COLEC11: variants seen among roughly 807,000 people sequenced by gnomAD.
COLEC11 encodes collectin subfamily member 11, also known as collectin-11.
A neutral mutation model predicts 27.3 loss-of-function variants in COLEC11; 20 were observed. The ratio of observed to expected loss-of-function variants is 0.73; its 90% confidence interval spans 0.51 to 1.06. The LOEUF is 1.06. Ranked by LOEUF, COLEC11 falls within the 50% of genes least tolerant of loss-of-function variation. The pLI, the probability that COLEC11 is intolerant of heterozygous loss-of-function variation, is 0.00. For missense variants in COLEC11, 310 were observed against 383.0 expected (o/e 0.81, Z 1.59); for synonymous variants, 163 against 154.7 (o/e 1.05, Z -0.40).
In COLEC11 at chr2:3,602,161, C is replaced by G. The variant is rs1402369336; in HGVS notation, c.-26-2154C>G. The G allele has an allele frequency of 1.3e-5, 2 of 152,248 alleles. No individual in the cohort carries two copies. The highest frequency in any genetic ancestry group is 4.8e-5 in the African/African-American group (2 of 41,450). The allele number at this position is 152,248 out of a possible 1,614,324, so 9.4% of individuals were successfully genotyped here. On this transcript the variant is annotated intron_variant, in intron 1 of 6. Transcript: ENST00000349077. The surrounding 1 kb of genome is among the most constrained non-coding windows in gnomAD (Gnocchi z 6.2). ...TGTTGATGTGGGAAGCCCCCCACCACAGATGGCCTTTCTCTAGCAGCTAAG... is the reference window on the plus strand; with the variant it reads ...TGTTGATGTGGGAAGCCCCCCACCAGAGATGGCCTTTCTCTAGCAGCTAAG...
chr2:3,626,203 C>A (rs1426122812), intron 3 of COLEC11: 1 of 940,406 alleles, frequency 1.1e-6, no homozygotes, highest in Non-Finnish European at 1.8e-6. Flanking sequence ...GGAGCAGAAG[C>A]CCCATTTCTA....
chr2:3,626,692 T>A (rs1001727640), intron 3 of COLEC11, among the ~76,000 whole-genome samples: 18 of 152,256 alleles, frequency 1.2e-4, no homozygotes, highest in Non-Finnish European at 2.6e-4. Flanking sequence ...CTGTAAGTGC[T>A]CTGTTCTGGA....
chr2:3,641,261 G>GA, intron 5 of COLEC11: 1 of 1,304,320 alleles, frequency 7.7e-7, no homozygotes, highest in Non-Finnish European at 1.0e-6. Context: ...CCGCAGAGAT[G>GA]AGGAGGAACG....
At chr2:3,597,444 G>C (rs928212449) in intron 1 of COLEC11, among the ~76,000 whole-genome samples, 2 of 152,126 alleles carry the variant, frequency 1.3e-5, no homozygotes, top group Admixed American at 1.3e-4. Context: ...GGGATCAGCA[G>C]ATGAGTGTGA....
chr2:3,595,839 G>A (rs1002846416), intron 1 of COLEC11, among the ~76,000 whole-genome samples: 2 of 152,222 alleles, frequency 1.3e-5, no homozygotes, highest in South Asian at 2.1e-4. Flanking sequence ...TGATGTGGTC[G>A]TTCTCAATTT....
intron 3 of COLEC11, among the ~76,000 whole-genome samples, chr2:3,631,290 A>G (rs1025453301): frequency 6.6e-6 from 1 of 152,248 alleles, no homozygotes; most frequent in Admixed American, 6.5e-5. Context: ...GAATTTTAAC[A>G]GTAAAGCAAA....
At chr2:3,603,659 G>C in intron 1 of COLEC11, 2 of 1,551,090 alleles carry the variant, frequency 1.3e-6, no homozygotes, top group Non-Finnish European at 8.7e-7. Flanking sequence ...AAGAAACAAA[G>C]AGGTCAGCAC....
intron 3 of COLEC11, among the ~76,000 whole-genome samples, chr2:3,621,124 T>C (rs1163745157): frequency 6.6e-6 from 1 of 152,234 alleles, no homozygotes; most frequent in Admixed American, 6.5e-5. Context: ...AGTGAGGTAT[T>C]GAAGTCCCCT....
intron 3 of COLEC11, among the ~76,000 whole-genome samples, chr2:3,631,700 G>C (rs1665014059): frequency 6.6e-6 from 1 of 151,396 alleles, no homozygotes; most frequent in Non-Finnish European, 1.5e-5. Context: ...GCTCGGAGGG[G>C]GCTCTGCTCG....
Position 3,613,346 on chromosome 2 carries a change from G to A in COLEC11, c.166G>A (p.Gly56Arg), listed in dbSNP as rs755020332. The A allele has an allele frequency of 1.2e-6, 2 of 1,609,368 alleles. No homozygotes were observed. The highest frequency in any genetic ancestry group is 1.3e-5 in the African/African-American group (1 of 75,008). The change falls in exon 3 of 7, where the codon GGA becomes AGA. Residue 56 changes from glycine to arginine, a missense_variant. Coordinates refer to ENST00000349077, the MANE Select transcript of COLEC11 (RefSeq NM_024027.5). Reference protein sequence around the residue: ...AGEKGDKGAPGRPGRVGPTGE... With the variant: ...AGEKGDKGAPRRPGRVGPTGE... ...AGAGAAGGGAGACAAAGGCGCCCCCGGACGGCCTGGAAGAGTCGGCCCCAC... is the reference window on the plus strand; with the variant it reads ...AGAGAAGGGAGACAAAGGCGCCCCCAGACGGCCTGGAAGAGTCGGCCCCAC...
At chr2:3,610,154 C>T (rs1477134226) in intron 2 of COLEC11, among the ~76,000 whole-genome samples, 1 of 152,230 alleles carries the variant, frequency 6.6e-6, no homozygotes, top group Non-Finnish European at 1.5e-5. Flanking sequence ...TAAAGACACA[C>T]TGGCGTGCCA....
At chr2:3,603,371 T>G in intron 1 of COLEC11, 1 of 409,328 alleles carries the variant, frequency 2.4e-6, no homozygotes, top group Admixed American at 3.6e-5. Flanking sequence ...GGCTGGAGTG[T>G]AGTGGCGTGA....
intron 2 of COLEC11, 97 bp from the exon 3 acceptor site, chr2:3,613,214 C>A: frequency 2.2e-6 from 3 of 1,351,390 alleles, no homozygotes; most frequent in Non-Finnish European, 3.1e-6. Context: ...CTGCAGGGAC[C>A]CGGGGAGAAC....
chr2:3,604,945 G>C, intron 2 of COLEC11: 1 of 428,636 alleles, frequency 2.3e-6, no homozygotes, highest in Admixed American at 3.2e-5. Flanking sequence ...AGTGGTTAGG[G>C]GAAAAAAAAA....
At chr2:3,642,060 C>T (rs1002246299) in intron 5 of COLEC11, among the ~76,000 whole-genome samples, 3 of 152,178 alleles carry the variant, frequency 2.0e-5, no homozygotes, top group East Asian at 1.9e-4. Flanking sequence ...AACTCGCAGC[C>T]GGAGGGAATC....
intron 2 of COLEC11, among the ~76,000 whole-genome samples, chr2:3,606,496 T>C (rs1462036681): frequency 2.0e-5 from 3 of 152,168 alleles, no homozygotes; most frequent in Non-Finnish European, 2.9e-5. Flanking sequence ...CTCGGCCTCC[T>C]GGTCCGTGAG....
intron 3 of COLEC11, among the ~76,000 whole-genome samples, chr2:3,630,666 G>A (rs1030582537): frequency 2.0e-5 from 3 of 152,236 alleles, no homozygotes; most frequent in Non-Finnish European, 4.4e-5. Flanking sequence ...CAGGAGCATT[G>A]TTGGGGTGAG....
Position 3,643,710 on chromosome 2 carries a change from C to T in COLEC11, c.425-17C>T, listed in dbSNP as rs1333027828. 6.2e-7 allele frequency: 1 copy of T among 1,613,406 alleles called. No individual in the cohort carries two copies. On this transcript the variant is annotated splice_polypyrimidine_tract_variant and intron_variant, in intron 6 of 6. Transcript: ENST00000349077. ...CACATACAAGTGCTCACTTTTCAAC[C>T]CTGCCTTACCCCACAGCTGTCGCCG...
At chr2:3,606,087 TTG>T in intron 2 of COLEC11, 4 of 1,550,180 alleles carry the variant, frequency 2.6e-6, no homozygotes, top group Non-Finnish European at 3.5e-6. Flanking sequence ...GGCCCTGACT[TTG>T]TGGTAGCGTG....
Sources: allele counts gnomAD v4.1 joint callset (sites outside exome capture counted in the v4.1 genomes callset), GRCh38; gene constraint gnomAD v4.1.1; non-coding constraint Gnocchi (gnomAD v3.1); transcripts MANE v1.5; gene names NCBI Gene and HGNC (gene_info 2026-07-23, HGNC 2026-07-21).